Variants in LARP4B observed in about 807,000 individuals in gnomAD.
LARP4B encodes the protein la-related protein 4B.
LARP4B carries 12 observed loss-of-function variants against 89.8 expected under a neutral mutation model. That is an observed-to-expected ratio of 0.13 (90% CI 0.09 to 0.22). The LOEUF is 0.22. Ranked by LOEUF, LARP4B falls within the 10% of genes least tolerant of loss-of-function variation. The pLI is 1.00. For missense variants in LARP4B, 757 were observed against 947.7 expected, an observed-to-expected ratio of 0.80 and a Z score of 2.64; for synonymous variants, 367 against 363.3, an observed-to-expected ratio of 1.01 and a Z score of -0.12.
chr10:818,956 T>C (rs1832201895), intron 14 of LARP4B: 1 of 152,214 alleles, frequency 6.6e-6, no homozygotes, highest in Admixed American at 6.5e-5. Context: ...CAAACCCCAG[T>C]CCAGTCTGTG....
In LARP4B at chr10:894,655, T is replaced by C. The variant is rs1021406178; in HGVS notation, c.-39-8895A>G. 1.3e-4 allele frequency among the ~76,000 whole-genome samples: 20 copies of C among 152,322 alleles called. 2 individuals are homozygous for C. In the South Asian group the frequency reaches 2.1e-3, roughly 16 times the overall value. On this transcript the variant is annotated intron_variant, in intron 1 of 17. Transcript: ENST00000316157. ...TATTAATTTTATTGAGTTCCAACCATAGTATTGTTATATTTATTTTAAAAG... is the reference window on the plus strand; with the variant it reads ...TATTAATTTTATTGAGTTCCAACCACAGTATTGTTATATTTATTTTAAAAG...
chr10:904,861 A>G (rs1241855326), intron 1 of LARP4B, among the ~76,000 whole-genome samples: 4 of 152,210 alleles, frequency 2.6e-5, no homozygotes, highest in African/African-American at 9.6e-5. Context: ...GTAGCATATA[A>G]ATCCAGAACC....
At chr10:889,910 C>T (rs1835967632) in intron 1 of LARP4B, among the ~76,000 whole-genome samples, 1 of 152,194 alleles carries the variant, frequency 6.6e-6, no homozygotes, top group Non-Finnish European at 1.5e-5. Context: ...CCTAAACATA[C>T]TCTAGCCTAA....
chr10:967,363 CA>C, the LARP4B span, among the ~76,000 whole-genome samples: 4 of 152,062 alleles, frequency 2.6e-5, no homozygotes, highest in African/African-American at 9.7e-5. Context: ...TGAAAGGAAA[CA>C]AAAGCTTGTG....
chr10:834,713 T>C (rs1296662799), intron 8 of LARP4B, among the ~76,000 whole-genome samples: 2 of 152,230 alleles, frequency 1.3e-5, no homozygotes, highest in Non-Finnish European at 2.9e-5. Context: ...ATAATATAAA[T>C]ACTCCAAAAT....
At chr10:819,490 C>T (rs1277713024) in intron 14 of LARP4B, 1 of 152,224 alleles carries the variant, frequency 6.6e-6, no homozygotes, top group African/African-American at 2.4e-5. Flanking sequence ...TTCTGAGGTC[C>T]TGAGAGCACG....
chr10:968,247 G>A, the LARP4B span, among the ~76,000 whole-genome samples: 38 of 152,312 alleles, frequency 2.5e-4, no homozygotes, highest in East Asian at 2.3e-3. Flanking sequence ...GGAGTGTGGC[G>A]TTGAGCTGAT....
intron 7 of LARP4B, among the ~76,000 whole-genome samples, chr10:839,843 A>C (rs546994005): frequency 5.3e-5 from 8 of 152,182 alleles, no homozygotes; most frequent in African/African-American, 1.9e-4. Context: ...AGACTTTTAC[A>C]CAAGTGTCCA....
rs1293331412 is a variant in LARP4B, at chr10:820,801, G to A, written c.1529C>T (p.Thr510Ile). Residue 510 changes from threonine (T) to isoleucine (I), a missense_variant and splice_region_variant, in exon 14 of 18, where the codon ACA (threonine) becomes ATA (isoleucine). Transcript: ENST00000316157. ...GAGGTATATGCTTTATGTACTCACT[G>A]TAAACTTCTCCTCCCTTTTCTTCCG... ...GYRKKREEKF[T>I]SSQTQSPTPP... is the part of the protein sequence containing the mutation. The A allele has an allele frequency of 6.2e-7, 1 of 1,612,566 alleles. No individual in the cohort carries two copies. Among genetic ancestry groups the A allele is most frequent in the East Asian group, 2.2e-5 (1 of 44,876 alleles).
At chr10:845,528 CT>C (rs1833733921) in intron 5 of LARP4B, among the ~76,000 whole-genome samples, 1 of 152,230 alleles carries the variant, frequency 6.6e-6, no homozygotes, top group Non-Finnish European at 1.5e-5. Flanking sequence ...TTCAATTTGC[CT>C]TCCAACTTCC....
chr10:820,670 G>T, intron 14 of LARP4B, 130 bp downstream of exon 14: 1 of 823,878 alleles, frequency 1.2e-6, no homozygotes, highest in Non-Finnish European at 1.9e-6. Context: ...TTACTTAGTG[G>T]ATTTCACGTT....
chr10:953,710 C>T, the LARP4B span, among the ~76,000 whole-genome samples: 3 of 152,194 alleles, frequency 2.0e-5, no homozygotes, highest in African/African-American at 7.2e-5. Flanking sequence ...CAGAATGGGC[C>T]CCAGTGTGTA....
chr10:881,062 G>A (rs966879366), intron 3 of LARP4B, among the ~76,000 whole-genome samples: 26 of 152,298 alleles, frequency 1.7e-4, no homozygotes, highest in Admixed American at 8.5e-4. Context: ...GGCTTCAGGA[G>A]GGGCAAAAAG....
In LARP4B at chr10:856,683, A is replaced by C. The variant is rs576023152; in HGVS notation, c.430+7060T>G. On this transcript the variant is annotated intron_variant, in intron 5 of 17. Transcript: ENST00000316157. ...AGGGGTTCCTGCACTTTTGTGACTT[A>C]TACTTTCTGGAGCTCGATCAGGTCC... Among the ~76,000 whole-genome samples, 8 of 152,322 alleles carry C rather than the reference A, an allele frequency of 5.3e-5. No individual in the cohort carries two copies. The East Asian group carries it at 1.5e-3, about 29-fold the overall frequency.
chr10:879,163 T>C (rs1377030056), intron 3 of LARP4B, among the ~76,000 whole-genome samples: 2 of 152,236 alleles, frequency 1.3e-5, no homozygotes, highest in African/African-American at 4.8e-5. Context: ...ATAGAAGGCA[T>C]TCCTTCTGTC....
chr10:984,045 G>T, the LARP4B span, among the ~76,000 whole-genome samples: 1 of 152,300 alleles, frequency 6.6e-6, no homozygotes, highest in East Asian at 1.9e-4. Flanking sequence ...AATTGCTAAA[G>T]CATTATGGTT....
At chr10:926,445 G>C (rs1392647624) in intron 1 of LARP4B, among the ~76,000 whole-genome samples, 1 of 152,188 alleles carries the variant, frequency 6.6e-6, no homozygotes, top group Non-Finnish European at 1.5e-5. Flanking sequence ...AGGTAGGAGA[G>C]GGAGGCGTGG....
chr10:826,780 T>C (rs565534534), intron 11 of LARP4B, among the ~76,000 whole-genome samples: 2 of 152,184 alleles, frequency 1.3e-5, no homozygotes, highest in Non-Finnish European at 1.5e-5. Flanking sequence ...GAGATACGCA[T>C]AGAGCCCTCC....
At chr10:909,601 A>AT (rs1256499147) in intron 1 of LARP4B, among the ~76,000 whole-genome samples, 1 of 151,996 alleles carries the variant, frequency 6.6e-6, no homozygotes, top group Non-Finnish European at 1.5e-5. Context: ...CCTGGCCAAC[A>AT]TGGTGAAACC....
Sources: allele counts gnomAD v4.1 joint callset (sites outside exome capture counted in the v4.1 genomes callset), GRCh38; gene constraint gnomAD v4.1.1; transcripts MANE v1.5; gene names NCBI Gene and HGNC (gene_info 2026-07-23, HGNC 2026-07-21).